The following RUNDC3B variants were observed in gnomAD, a reference collection of about 807,000 sequenced individuals.
The protein encoded by RUNDC3B is RUN domain containing 3B.
In RUNDC3B, 33 loss-of-function variants were observed where a neutral mutation model predicts 58.4. The ratio of observed to expected loss-of-function variants is 0.56; its 90% CI spans 0.43 to 0.75. The LOEUF is 0.75. Ranked by LOEUF, RUNDC3B falls within the 30% of genes least tolerant of loss-of-function variation. RUNDC3B has a pLI of 0.00. For synonymous variants in RUNDC3B, 193 were observed against 195.2 expected (o/e 0.99, Z 0.10); for missense variants, 501 against 535.7 (o/e 0.94, Z 0.64).
intron 4 of RUNDC3B, among the ~76,000 whole-genome samples, chr7:87,737,696 C>T (rs1331837281): frequency 1.3e-5 from 2 of 152,100 alleles, no homozygotes; most frequent in African/African-American, 4.8e-5. Flanking sequence ...ATCCTCTTAA[C>T]TAGCCCTTCC....
At chr7:87,801,114 T>G (rs1836125007) in intron 8 of RUNDC3B, among the ~76,000 whole-genome samples, 1 of 152,206 alleles carries the variant, frequency 6.6e-6, no homozygotes, top group South Asian at 2.1e-4. Flanking sequence ...GAGAAAGTTG[T>G]GGATTCTGGA....
intron 6 of RUNDC3B, among the ~76,000 whole-genome samples, chr7:87,748,304 C>T (rs924867328): frequency 1.3e-5 from 2 of 152,174 alleles, no homozygotes; most frequent in Non-Finnish European, 2.9e-5. Flanking sequence ...TTTCCCACTT[C>T]CGCAGTTGGG....
intron 3 of RUNDC3B, among the ~76,000 whole-genome samples, chr7:87,703,915 T>TTTTTTTTTTTTTTTTTTTTTTTTTTG (rs1829356652): frequency 5.4e-5 from 1 of 18,528 alleles, no homozygotes; most frequent in African/African-American, 2.1e-4. Flanking sequence ...TTTTTTTTGG[T>TTTTTTTTTTTTTTTTTTTTTTTTTTG]TTTTTTTTTT....
At chr7:87,644,385 C>T (rs185465657) in intron 1 of RUNDC3B, among the ~76,000 whole-genome samples, 1 of 152,124 alleles carries the variant, frequency 6.6e-6, no homozygotes, top group Admixed American at 6.5e-5. Flanking sequence ...ATTACCTCAC[C>T]CCTGTGTTAG....
intron 6 of RUNDC3B, among the ~76,000 whole-genome samples, chr7:87,751,514 A>C (rs1338290761): frequency 1.3e-5 from 2 of 152,220 alleles, no homozygotes; most frequent in African/African-American, 2.4e-5. Context: ...ATCCATGAGC[A>C]TGGAATGTTC....
chr7:87,781,019 T>C (rs2130888080), intron 8 of RUNDC3B, among the ~76,000 whole-genome samples: 1 of 152,292 alleles, frequency 6.6e-6, no homozygotes, highest in East Asian at 1.9e-4. Flanking sequence ...AAAATGATGT[T>C]GGTATTTTAA....
intron 1 of RUNDC3B, among the ~76,000 whole-genome samples, chr7:87,629,716 G>A (rs1056528713): frequency 2.0e-5 from 3 of 151,660 alleles, no homozygotes; most frequent in African/African-American, 7.3e-5. Context: ...TCACGAGGTC[G>A]GAGTTCGAGA....
intron 4 of RUNDC3B, among the ~76,000 whole-genome samples, chr7:87,726,550 G>T (rs1831243499): frequency 6.6e-6 from 1 of 152,130 alleles, no homozygotes; most frequent in African/African-American, 2.4e-5. Flanking sequence ...TGTTCTTTTG[G>T]CTTAGGATTG....
At chr7:87,653,656 C>CT (rs1240739879) in intron 2 of RUNDC3B, among the ~76,000 whole-genome samples, 4 of 151,826 alleles carry the variant, frequency 2.6e-5, no homozygotes, top group South Asian at 2.1e-4. Context: ...TTTTCTGCTA[C>CT]TTTTTTTTCA....
chr7:87,811,565 T>C (rs1836718270), intron 9 of RUNDC3B, among the ~76,000 whole-genome samples: 1 of 152,178 alleles, frequency 6.6e-6, no homozygotes, highest in South Asian at 2.1e-4. Flanking sequence ...CTCGATCTCT[T>C]GACCTCATGA....
At chr7:87,706,585 G>A (rs867124313) in intron 3 of RUNDC3B, among the ~76,000 whole-genome samples, 1 of 152,190 alleles carries the variant, frequency 6.6e-6, no homozygotes, top group East Asian at 1.9e-4. Context: ...AACTTGAGTG[G>A]CCACAGTCCT....
At chr7:87,677,003 A>G (rs900917131) in intron 2 of RUNDC3B, among the ~76,000 whole-genome samples, 5 of 152,178 alleles carry the variant, frequency 3.3e-5, no homozygotes, top group Non-Finnish European at 7.3e-5. Context: ...TGTGGAGAAA[A>G]GGGAACCTTC....
chr7:87,774,708 A>C (rs988971750), intron 7 of RUNDC3B, among the ~76,000 whole-genome samples: 1 of 152,210 alleles, frequency 6.6e-6, no homozygotes, highest in Admixed American at 6.5e-5. Context: ...CCGCCAAAAA[A>C]AACTATTATG....
intron 6 of RUNDC3B, among the ~76,000 whole-genome samples, chr7:87,761,283 T>G (rs1833666185): frequency 6.6e-6 from 1 of 151,880 alleles, no homozygotes; most frequent in Non-Finnish European, 1.5e-5. Flanking sequence ...AAGACACCAC[T>G]TTATACTCAC....
intron 1 of RUNDC3B, among the ~76,000 whole-genome samples, chr7:87,633,533 C>T (rs1166960331): frequency 6.6e-6 from 1 of 152,194 alleles, no homozygotes; most frequent in Non-Finnish European, 1.5e-5. Context: ...CTGTTTCTTC[C>T]TACCAAGTTA....
intron 6 of RUNDC3B, among the ~76,000 whole-genome samples, chr7:87,759,965 A>T (rs1431703318): frequency 6.6e-6 from 1 of 152,000 alleles, no homozygotes; most frequent in Non-Finnish European, 1.5e-5. Flanking sequence ...AAATCGCTGA[A>T]TTTTTTACAT....
intron 8 of RUNDC3B, among the ~76,000 whole-genome samples, chr7:87,783,078 T>G (rs140045442): frequency 6.6e-6 from 1 of 152,224 alleles, no homozygotes; most frequent in African/African-American, 2.4e-5. Flanking sequence ...ACTATTATTG[T>G]GTGGTTAAGT....
At chr7:87,706,393 A>T (rs570361329) in intron 3 of RUNDC3B, among the ~76,000 whole-genome samples, 1 of 152,268 alleles carries the variant, frequency 6.6e-6, no homozygotes, top group South Asian at 2.1e-4. Context: ...CAGAGAATTT[A>T]TTGAGAAGGG....
chr7:87,773,255 G>A (rs1047114624), intron 7 of RUNDC3B, among the ~76,000 whole-genome samples: 8 of 150,862 alleles, frequency 5.3e-5, no homozygotes, highest in South Asian at 4.2e-4. Flanking sequence ...CCCGCGAGGC[G>A]GAGCTTGCAG....
Sources: allele counts gnomAD v4.1 joint callset (sites outside exome capture counted in the v4.1 genomes callset), GRCh38; gene constraint gnomAD v4.1.1; transcripts MANE v1.5; gene names NCBI Gene and HGNC (gene_info 2026-07-23, HGNC 2026-07-21).